TXNDC16: variants seen among roughly 807,000 people sequenced by gnomAD.
The protein encoded by TXNDC16 is thioredoxin domain-containing protein 16.
A neutral mutation model predicts 85.6 loss-of-function variants in TXNDC16; 74 were observed. The observed-to-expected ratio is 0.86, with a 90% CI of 0.72 to 1.05. The LOEUF (loss-of-function observed/expected upper bound fraction) is 1.05. TXNDC16 is among the 50% of genes least tolerant of loss of function. The pLI is 0.00. For missense variants in TXNDC16, 959 were observed against 947.0 expected, an observed-to-expected ratio of 1.01 and a Z score of -0.17; for synonymous variants, 335 against 326.5, an observed-to-expected ratio of 1.03 and a Z score of -0.28.
Position 52,440,617 on chromosome 14 carries a change from C to T in TXNDC16, c.1950G>A (p.Leu650=). 2 of 1,609,808 alleles carry T rather than the reference C, an allele frequency of 1.2e-6. No homozygotes were observed. The highest frequency in any genetic ancestry group is 1.7e-6 in the Non-Finnish European group (2 of 1,178,756). Residue 650 remains leucine, a synonymous_variant, in exon 19 of 21, where the codon TTG becomes TTA. Coordinates refer to ENST00000281741, the MANE Select transcript of TXNDC16 (RefSeq NM_020784.3). ...CCAAGTATTTCTGCTTTACCAGTGT[C>T]AATATTGCTTTTTTATACTGAGGAT... ...TVNPQYKKAI[L]TLVKQKYLDS...
rs762501659 is a variant in TXNDC16 at position 52,462,968 on chromosome 14, T to A, written c.1619-5794A>T. 2.9e-5 allele frequency: 13 copies of A among 455,964 alleles called. 1 individual carries two copies. Among genetic ancestry groups the A allele is most frequent in the South Asian group, 1.7e-4 (11 of 64,548 alleles). The allele number at this position is 455,964 out of a possible 1,614,324, so 28.2% of individuals were successfully genotyped here. On this transcript the variant is annotated intron_variant, in intron 16 of 20. Coordinates refer to ENST00000281741, the MANE Select transcript of TXNDC16 (RefSeq NM_020784.3). ...ACAACTTAGTCATTGACTTTTTTCC[T>A]ACCTATGAGTGCAAGAAAAAGAAAC...
chr14:52,446,764 G>A (rs996156225), intron 18 of TXNDC16, among the ~76,000 whole-genome samples: 9 of 152,176 alleles, frequency 5.9e-5, no homozygotes, highest in Admixed American at 1.3e-4. Context: ...CCTGGTCAGA[G>A]TTGTGAAGCT....
At chr14:52,461,638 A>G (rs536635770) in intron 16 of TXNDC16, among the ~76,000 whole-genome samples, 1 of 152,256 alleles carries the variant, frequency 6.6e-6, no homozygotes, top group Admixed American at 6.5e-5. Context: ...AGATGTCAGG[A>G]CAGAAGACAG....
At chr14:52,476,609 C>A (rs1297714731) in intron 14 of TXNDC16, among the ~76,000 whole-genome samples, 5 of 151,954 alleles carry the variant, frequency 3.3e-5, no homozygotes, top group Non-Finnish European at 7.4e-5. Flanking sequence ...AAGACAAGGT[C>A]TTCGAATTAA....
At position 52,519,312 on chromosome 14, in the gene TXNDC16, T is replaced by C. The variant is rs2037157678; in HGVS notation, c.393-19A>G. 2 of 1,558,526 alleles carry C rather than the reference T, an allele frequency of 1.3e-6. No individual in the cohort carries two copies. Among genetic ancestry groups the C allele is most frequent in the African/African-American group, 1.4e-5 (1 of 72,914 alleles). ...AAGAGCACTGAAATAAATACAGATA[T>C]AATTAGTAGAAAAATCTGATATGTA... On this transcript the variant is annotated intron_variant, in intron 6 of 20. Coordinates refer to ENST00000281741, the MANE Select transcript of TXNDC16 (RefSeq NM_020784.3).
chr14:52,472,947 C>T (rs1459656635), intron 14 of TXNDC16, among the ~76,000 whole-genome samples: 1 of 152,144 alleles, frequency 6.6e-6, no homozygotes, highest in East Asian at 1.9e-4. Context: ...TCTCTGCCAG[C>T]CATGTGTGCT....
intron 8 of TXNDC16, among the ~76,000 whole-genome samples, chr14:52,514,440 A>G (rs991996197): frequency 6.6e-6 from 1 of 152,208 alleles, no homozygotes; most frequent in Non-Finnish European, 1.5e-5. Context: ...ATTGTAAACT[A>G]GACAAGAAAA....
intron 7 of TXNDC16, among the ~76,000 whole-genome samples, chr14:52,517,917 T>C (rs1009835773): frequency 6.6e-6 from 1 of 152,138 alleles, no homozygotes; most frequent in Admixed American, 6.6e-5. Context: ...ATCCCTCCTA[T>C]CAGGCATTAA....
intron 18 of TXNDC16, among the ~76,000 whole-genome samples, chr14:52,447,494 A>G (rs1422130753): frequency 6.6e-6 from 1 of 152,210 alleles, no homozygotes; most frequent in Non-Finnish European, 1.5e-5. Flanking sequence ...TGTCTGACAC[A>G]GCACAGTGCC....
intron 16 of TXNDC16, among the ~76,000 whole-genome samples, chr14:52,457,728 T>C (rs1472750626): frequency 6.6e-6 from 1 of 152,258 alleles, no homozygotes; most frequent in Non-Finnish European, 1.5e-5. Flanking sequence ...TCATTAGTTT[T>C]GAACTTTGAT....
chr14:52,541,828 T>C (rs1252397224), intron 4 of TXNDC16, among the ~76,000 whole-genome samples: 1 of 152,224 alleles, frequency 6.6e-6, no homozygotes, highest in Admixed American at 6.5e-5. Flanking sequence ...TTTTCTATAA[T>C]ACTCTATGGC....
At chr14:52,510,711 A>G (rs1357676550) in intron 9 of TXNDC16, among the ~76,000 whole-genome samples, 5 of 152,246 alleles carry the variant, frequency 3.3e-5, no homozygotes, top group African/African-American at 1.2e-4. Context: ...CATGTGCTCA[A>G]CACAACCCTT....
In TXNDC16 at chr14:52,431,004, T is replaced by A. The variant is rs1246923612; in HGVS notation, c.*1300A>T. Reference sequence around the variant, plus strand: ...TGAAGAAAATTTAAAGAACAAGATATCAAGTAGATATTAAAAAGAAAAATA... The same window carrying A: ...TGAAGAAAATTTAAAGAACAAGATAACAAGTAGATATTAAAAAGAAAAATA... On this transcript the variant is annotated 3_prime_UTR_variant, in exon 21 of 21. Coordinates refer to ENST00000281741, the MANE Select transcript of TXNDC16 (RefSeq NM_020784.3). 2 of 152,090 alleles carry A rather than the reference T, an allele frequency of 1.3e-5. No individual in the cohort carries two copies. The highest frequency in any genetic ancestry group is 1.3e-4 in the Admixed American group (2 of 15,268). 9.4% of individuals were successfully genotyped at this position (152,090 alleles called of 1,614,324 possible).
At position 52,493,215 on chromosome 14, in the gene TXNDC16, A is replaced by ATATATATATATATATATAT. The variant is rs761008122; in HGVS notation, c.757-2211_757-2210insATATATATATATATATATA. ...GTTCTATATATATATATATATATAT[A>ATATATATATATATATATAT]TACACACACACACACACACATATTT... On this transcript the variant is annotated intron_variant, in intron 9 of 20. Coordinates refer to ENST00000281741, the MANE Select transcript of TXNDC16 (RefSeq NM_020784.3). 5.7e-3 allele frequency among the ~76,000 whole-genome samples: 691 copies of ATATATATATATATATATAT among 120,836 alleles called. 8 individuals carry two copies. Among genetic ancestry groups the ATATATATATATATATATAT allele is most frequent in the East Asian group, 0.022 (82 of 3,680 alleles). 79.3% of individuals were successfully genotyped at this position (120,836 alleles called of 152,430 possible).
chr14:52,439,421 T>C, intron 19 of TXNDC16, 27 bp from the exon 20 acceptor site: 1 of 1,567,704 alleles, frequency 6.4e-7, no homozygotes, highest in Non-Finnish European at 8.7e-7. Context: ...TTGAACATAT[T>C]AATATTTCTT....
intron 18 of TXNDC16, among the ~76,000 whole-genome samples, chr14:52,442,739 A>G (rs1393033714): frequency 1.3e-5 from 2 of 152,036 alleles, no homozygotes; most frequent in African/African-American, 2.4e-5. Context: ...CTAAATATTG[A>G]CAGATCTTTT....
intron 17 of TXNDC16, among the ~76,000 whole-genome samples, chr14:52,455,935 T>A (rs1318483740): frequency 1.3e-5 from 2 of 152,128 alleles, no homozygotes; most frequent in African/African-American, 2.4e-5. Context: ...GAAATAGGAC[T>A]GAGAGAGTGA....
At chr14:52,471,479 A>C (rs1305251729) in intron 14 of TXNDC16, among the ~76,000 whole-genome samples, 2 of 152,178 alleles carry the variant, frequency 1.3e-5, no homozygotes, top group Non-Finnish European at 2.9e-5. Context: ...ACCGTGTACA[A>C]CTTCAAGGAC....
chr14:52,461,438 C>T (rs2035650241), intron 16 of TXNDC16, among the ~76,000 whole-genome samples: 1 of 151,948 alleles, frequency 6.6e-6, no homozygotes. Flanking sequence ...AGTATTTTAA[C>T]TTATTTAGGA....
Sources: allele counts gnomAD v4.1 joint callset (sites outside exome capture counted in the v4.1 genomes callset), GRCh38; gene constraint gnomAD v4.1.1; transcripts MANE v1.5; gene names NCBI Gene and HGNC (gene_info 2026-07-23, HGNC 2026-07-21).